The following HSD17B12 variants were observed in gnomAD, a reference collection of about 807,000 sequenced individuals.
HSD17B12 encodes hydroxysteroid 17-beta dehydrogenase 12.
A neutral mutation model predicts 39.3 loss-of-function variants in HSD17B12; 32 were observed. That is an observed-to-expected ratio of 0.81 (90% CI 0.61 to 1.09). The LOEUF is 1.09. HSD17B12 is among the 50% of genes least tolerant of loss of function. The probability of loss-of-function intolerance (pLI) is 0.00; values close to 1 mark genes in which losing one functional copy is unlikely to be tolerated. For missense variants in HSD17B12, 342 were observed against 382.9 expected (o/e 0.89, Z 0.89); for synonymous variants, 150 against 146.7 (o/e 1.02, Z -0.16).
At chr11:43,739,396 T>TAAA (rs2134909884) in intron 1 of HSD17B12, among the ~76,000 whole-genome samples, 1 of 152,302 alleles carries the variant, frequency 6.6e-6, no homozygotes, top group South Asian at 2.1e-4. Flanking sequence ...GCTGCTATAA[T>TAAA]AAAATACATA....
intron 1 of HSD17B12, chr11:43,734,613 CG>C (rs761677548): frequency 2.1e-4 from 80 of 377,268 alleles, no homozygotes; most frequent in Middle Eastern, 1.6e-3. Context: ...GCCACAGCCC[CG>C]ATGATTCTTA....
At chr11:43,746,611 TA>T (rs1247900811) in intron 1 of HSD17B12, among the ~76,000 whole-genome samples, 3 of 152,342 alleles carry the variant, frequency 2.0e-5, no homozygotes, top group African/African-American at 4.8e-5. Context: ...TTTTTTCCTG[TA>T]AAGCAGAAGG....
chr11:43,718,873 C>A, intron 1 of HSD17B12: 2 of 881,316 alleles, frequency 2.3e-6, no homozygotes, highest in East Asian at 4.8e-5. Context: ...AAAGCACCCT[C>A]AGGAGAAACA....
chr11:43,699,376 AT>A (rs1949941988), intron 1 of HSD17B12, among the ~76,000 whole-genome samples: 1 of 151,858 alleles, frequency 6.6e-6, no homozygotes, highest in African/African-American at 2.4e-5. Context: ...TCTCATTTTT[AT>A]TTAAGCTAGA....
chr11:43,578,577 G>A, the HSD17B12 span, among the ~76,000 whole-genome samples: 1 of 152,138 alleles, frequency 6.6e-6, no homozygotes, highest in East Asian at 1.9e-4. Flanking sequence ...GGCCCACCCC[G>A]CGGCCTCCTC....
the HSD17B12 span, among the ~76,000 whole-genome samples, chr11:43,622,629 C>G: frequency 6.6e-6 from 1 of 151,900 alleles, no homozygotes; most frequent in African/African-American, 2.4e-5. Flanking sequence ...TTGATAGAAT[C>G]TGCATTTTTT....
the HSD17B12 span, among the ~76,000 whole-genome samples, chr11:43,642,032 T>A: frequency 6.6e-6 from 1 of 151,850 alleles, no homozygotes. Flanking sequence ...AACATATATA[T>A]ATTCTTAAAA....
intron 1 of HSD17B12, among the ~76,000 whole-genome samples, chr11:43,701,001 T>C (rs901342231): frequency 1.3e-5 from 2 of 152,186 alleles, no homozygotes; most frequent in Non-Finnish European, 2.9e-5. Context: ...GCATTTGTTA[T>C]TGCCTGTCTT....
intron 1 of HSD17B12, among the ~76,000 whole-genome samples, chr11:43,697,131 T>C (rs1949919516): frequency 6.6e-6 from 1 of 152,188 alleles, no homozygotes; most frequent in Non-Finnish European, 1.5e-5. Flanking sequence ...TGTATACTTA[T>C]GTAAGAAACT....
At chr11:43,611,574 A>C in the HSD17B12 span, among the ~76,000 whole-genome samples, 1 of 152,198 alleles carries the variant, frequency 6.6e-6, no homozygotes, top group African/African-American at 2.4e-5. Context: ...ATAACTGCAG[A>C]CTTCCAGACT....
At chr11:43,667,881 C>A in the HSD17B12 span, among the ~76,000 whole-genome samples, 4 of 151,960 alleles carry the variant, frequency 2.6e-5, no homozygotes, top group African/African-American at 9.7e-5. Context: ...TATATGAGGG[C>A]AAAATGGTGA....
the HSD17B12 span, among the ~76,000 whole-genome samples, chr11:43,637,546 T>C: frequency 6.6e-6 from 1 of 152,136 alleles, no homozygotes; most frequent in Non-Finnish European, 1.5e-5. Flanking sequence ...CTTAGAAGAA[T>C]GTGCTACAGT....
intron 1 of HSD17B12, among the ~76,000 whole-genome samples, chr11:43,744,554 A>AATTT (rs1361720236): frequency 5.9e-5 from 9 of 152,206 alleles, no homozygotes; most frequent in Admixed American, 5.9e-4. Context: ...AGATATACAC[A>AATTT]ATTTAAAAAA....
chr11:43,597,943 C>T, the HSD17B12 span, among the ~76,000 whole-genome samples: 1 of 152,072 alleles, frequency 6.6e-6, no homozygotes, highest in Admixed American at 6.5e-5. Context: ...CCCCCTCCTG[C>T]TTTTCTTTTT....
chr11:43,851,288 T>A (rs1951528206), intron 9 of HSD17B12, among the ~76,000 whole-genome samples: 1 of 152,158 alleles, frequency 6.6e-6, no homozygotes, highest in South Asian at 2.1e-4. Flanking sequence ...ATTGAGCAAC[T>A]TGAAAAATCT....
chr11:43,599,055 A>G, the HSD17B12 span, among the ~76,000 whole-genome samples: 3 of 152,226 alleles, frequency 2.0e-5, no homozygotes, highest in African/African-American at 7.2e-5. Flanking sequence ...CTGTTAGTAA[A>G]TAAGACATAT....
chr11:43,683,095 T>C (rs1949765838), intron 1 of HSD17B12, among the ~76,000 whole-genome samples: 1 of 73,142 alleles, frequency 1.4e-5, no homozygotes, highest in African/African-American at 5.1e-5. Flanking sequence ...CCTGGATGTG[T>C]TTTTTTTTGT....
At chr11:43,682,848 G>C (rs1949762653) in intron 1 of HSD17B12, among the ~76,000 whole-genome samples, 1 of 151,762 alleles carries the variant, frequency 6.6e-6, no homozygotes, top group Non-Finnish European at 1.5e-5. Flanking sequence ...CAGTGGTGTG[G>C]TGGTGTGATC....
the HSD17B12 span, among the ~76,000 whole-genome samples, chr11:43,663,050 A>AT: frequency 3.4e-5 from 1 of 29,788 alleles, no homozygotes; most frequent in African/African-American, 4.4e-5. Context: ...TTTAAAAAAA[A>AT]TTTTTTTGAG....
Sources: gnomAD v4.1 joint callset for allele counts (sites outside exome capture counted in the v4.1 genomes callset) on GRCh38, gnomAD v4.1.1 for gene constraint, MANE v1.5 for transcripts, NCBI Gene and HGNC (gene_info 2026-07-23, HGNC 2026-07-21) for gene names.